RRM1: variants seen among roughly 807,000 people sequenced by gnomAD.
RRM1 encodes the protein ribonucleotide reductase catalytic subunit M1.
In RRM1, 19 loss-of-function variants were observed where a neutral mutation model predicts 101.5. The ratio of observed to expected loss-of-function variants is 0.19; its 90% CI spans 0.13 to 0.27. The LOEUF (loss-of-function observed/expected upper bound fraction) is 0.27. RRM1 is among the 10% of genes least tolerant of loss of function. The probability of loss-of-function intolerance (pLI) is 1.00; values close to 1 mark genes in which losing one functional copy is unlikely to be tolerated. For synonymous variants in RRM1, 298 were observed against 323.4 expected (o/e 0.92, Z 0.84); for missense variants, 500 against 962.9 (o/e 0.52, Z 6.36).
rs779669376 is a variant in RRM1, at chr11:4,109,616, A to T, written c.388-28A>T. On this transcript the variant is annotated intron_variant, in intron 4 of 18. Transcript: ENST00000300738. ...GAAAATAAGTAATTATTTTAATTTA[A>T]TTATGGGTTCTTTTTCACCCCTATC... 4 of 1,570,150 alleles carry T rather than the reference A, an allele frequency of 2.5e-6. No individual in the cohort carries two copies. In the African/African-American group the frequency reaches 5.5e-5, roughly 21 times the overall value.
chr11:4,120,307 C>T (rs777888231), intron 9 of RRM1, among the ~76,000 whole-genome samples: 3 of 152,102 alleles, frequency 2.0e-5, no homozygotes, highest in Non-Finnish European at 2.9e-5. Context: ...CAAAGAATTT[C>T]TCAAGTTGTA....
chr11:4,103,717 G>A (rs2094554664), intron 2 of RRM1, among the ~76,000 whole-genome samples: 1 of 151,968 alleles, frequency 6.6e-6, no homozygotes, highest in Non-Finnish European at 1.5e-5. Context: ...CCACCCCTGG[G>A]GATCAAATGA....
intron 7 of RRM1, among the ~76,000 whole-genome samples, chr11:4,115,372 A>C (rs1020296445): frequency 1.3e-5 from 2 of 151,150 alleles, no homozygotes; most frequent in African/African-American, 2.5e-5. Context: ...ATAACGACTC[A>C]CAGAAGGGGA....
At chr11:4,131,184 GGCAA>G (rs1443000464) in intron 15 of RRM1, among the ~76,000 whole-genome samples, 3 of 152,160 alleles carry the variant, frequency 2.0e-5, no homozygotes, top group Non-Finnish European at 4.4e-5. Context: ...TTAATACGGC[GGCAA>G]GCAAAGTGCT....
intron 15 of RRM1, among the ~76,000 whole-genome samples, chr11:4,130,159 C>G (rs1306037146): frequency 7.3e-6 from 1 of 136,252 alleles, no homozygotes; most frequent in Non-Finnish European, 1.5e-5. Context: ...TTTCTAATTT[C>G]AAAATTAGTA....
intron 2 of RRM1, 138 bp downstream of exon 2, chr11:4,102,219 G>C (rs2094552549): frequency 3.3e-6 from 2 of 597,032 alleles, no homozygotes; most frequent in African/African-American, 1.9e-5. Flanking sequence ...TGAATTCATT[G>C]CTTAAAACAT....
Position 4,105,934 on chromosome 11 carries a change from G to A in RRM1, c.109-112G>A, listed in dbSNP as rs72555769. 1,696 of 796,258 alleles carry A rather than the reference G, an allele frequency of 2.1e-3. 5 individuals are homozygous for A. Among genetic ancestry groups the A allele is most frequent in the Non-Finnish European group, 3.3e-3 (1,588 of 479,338 alleles). 49.3% of individuals were successfully genotyped at this position (796,258 alleles called of 1,614,324 possible). A position where few individuals can be genotyped will look rare whatever the true frequency, so the allele number is the denominator to read the frequency against. On this transcript the variant is annotated intron_variant, in intron 2 of 18. Transcript: ENST00000300738. ...CTCACCTCAGCCACTGAGTAGCTGG[G>A]ACTATAGGCATGTACTACCACACCT...
At chr11:4,099,033 G>A (rs1364218947) in intron 1 of RRM1, among the ~76,000 whole-genome samples, 1 of 152,166 alleles carries the variant, frequency 6.6e-6, no homozygotes, top group Admixed American at 6.5e-5. Context: ...TGTGGAAAAG[G>A]CACGCATCCT....
intron 12 of RRM1, among the ~76,000 whole-genome samples, chr11:4,124,386 G>C (rs2094586367): frequency 6.6e-6 from 1 of 152,130 alleles, no homozygotes; most frequent in Admixed American, 6.5e-5. Flanking sequence ...TAAAAAAAAA[G>C]ACAAATGAAA....
At chr11:4,120,900 T>A (rs1430719972) in intron 9 of RRM1, among the ~76,000 whole-genome samples, 2 of 152,162 alleles carry the variant, frequency 1.3e-5, no homozygotes, top group Admixed American at 6.5e-5. Context: ...ACGCCTGTAG[T>A]TTCAGCTTCT....
chr11:4,111,582 G>A lies in RRM1; in HGVS notation c.448-19G>A, dbSNP rs548971473. On this transcript the variant is annotated intron_variant, in intron 5 of 18. Coordinates refer to ENST00000300738, the MANE Select transcript of RRM1 (RefSeq NM_001033.5). ...AAAAACGGTGCTCTGAAAATTTTTT[G>A]TTGTTTCTCTCTTTCTAGACGCTAG... The A allele has an allele frequency of 5.1e-6, 8 of 1,581,598 alleles. No homozygotes were observed. The Admixed American group carries it at 8.9e-5, about 18-fold the overall frequency.
At chr11:4,098,007 A>T (rs551350507) in intron 1 of RRM1, among the ~76,000 whole-genome samples, 2 of 152,304 alleles carry the variant, frequency 1.3e-5, no homozygotes, top group East Asian at 3.9e-4. Flanking sequence ...TCATTCCTCA[A>T]GGAGATTATG....
chr11:4,107,364 A>G, intron 3 of RRM1, 71 bp from the exon 4 acceptor site: 1 of 1,057,940 alleles, frequency 9.5e-7, no homozygotes, highest in South Asian at 1.3e-5. Context: ...ACTGTTTTCA[A>G]CTATTACCTA....
At position 4,104,723 on chromosome 11, in the gene RRM1, T is replaced by G. The variant is rs554297803; in HGVS notation, c.109-1323T>G. 1.8e-3 allele frequency among the ~76,000 whole-genome samples: 274 copies of G among 152,318 alleles called. 1 individual carries two copies. The highest frequency in any genetic ancestry group is 3.1e-3 in the Admixed American group (48 of 15,292). ...GATTATCAAAGTTGATAATTACTTA[T>G]CAACTTTGGTTGAGAATCATTTGAA... On this transcript the variant is annotated intron_variant, in intron 2 of 18. Coordinates refer to ENST00000300738, the MANE Select transcript of RRM1 (RefSeq NM_001033.5).
intron 7 of RRM1, among the ~76,000 whole-genome samples, chr11:4,118,107 G>A (rs956105408): frequency 1.3e-5 from 2 of 152,024 alleles, no homozygotes; most frequent in African/African-American, 4.8e-5. Flanking sequence ...TACTATCTAG[G>A]GGAGGCAGCA....
Position 4,123,422 on chromosome 11 carries a change from G to C in RRM1, c.1320+38G>C, listed in dbSNP as rs111730731. ...AATTCTTCCTAGAGTACTAAGAAGA[G>C]AACCTTAGGCAGTTATTATTTGTGA... On this transcript the variant is annotated intron_variant, in intron 12 of 18. Transcript: ENST00000300738. 5 of 1,492,474 alleles carry C rather than the reference G, an allele frequency of 3.4e-6. No individual in the cohort carries two copies. In the African/African-American group the frequency reaches 5.5e-5, roughly 16 times the overall value. 92.5% of individuals were successfully genotyped at this position (1,492,474 alleles called of 1,614,324 possible). A position where few individuals can be genotyped will look rare whatever the true frequency, so the allele number is the denominator to read the frequency against.
intron 18 of RRM1, among the ~76,000 whole-genome samples, chr11:4,136,309 T>C (rs927758128): frequency 4.6e-5 from 7 of 151,200 alleles, no homozygotes; most frequent in African/African-American, 1.7e-4. Flanking sequence ...GCAACCTCTG[T>C]CCTGGGTTCA....
chr11:4,136,283 A>G (rs7940497), intron 18 of RRM1, among the ~76,000 whole-genome samples: 134,020 of 152,024 alleles, frequency 0.88, 59,406 homozygotes, highest in South Asian at 0.93. Flanking sequence ...GTACAGCGGC[A>G]TGATCTTGGC....
At chr11:4,118,242 TG>T in intron 7 of RRM1, 77 bp from the exon 8 acceptor site, 1 of 1,281,352 alleles carries the variant, frequency 7.8e-7, no homozygotes. Flanking sequence ...TTTGCCTTAG[TG>T]TCTTTGTGTT....
Sources: allele counts gnomAD v4.1 joint callset (sites outside exome capture counted in the v4.1 genomes callset), GRCh38; gene constraint gnomAD v4.1.1; transcripts MANE v1.5; gene names NCBI Gene and HGNC (gene_info 2026-07-23, HGNC 2026-07-21).